The following MTFR1 variants were observed in gnomAD, a reference collection of about 807,000 sequenced individuals.
The protein encoded by MTFR1 is mitochondrial fission regulator 1.
In MTFR1, 28 loss-of-function variants were observed where a neutral mutation model predicts 38.8. The observed-to-expected ratio is 0.72, with a 90% CI of 0.53 to 0.99. MTFR1 has a LOEUF of 0.99. Among genes scored for constraint, MTFR1 ranks in the 50% least tolerant of loss-of-function variants. The probability of loss-of-function intolerance (pLI) is 0.00; values close to 1 mark genes in which losing one functional copy is unlikely to be tolerated. For missense variants in MTFR1, 358 were observed against 395.5 expected (o/e 0.91, Z 0.81); for synonymous variants, 145 against 137.0 (o/e 1.06, Z -0.41).
chr8:65,676,298 A>T (rs1031537481), intron 2 of MTFR1, among the ~76,000 whole-genome samples: 2 of 152,242 alleles, frequency 1.3e-5, no homozygotes, highest in Non-Finnish European at 2.9e-5. Flanking sequence ...GTGTAATTTT[A>T]GGGATACATG....
chr8:65,696,480 T>C (rs1289666077), intron 4 of MTFR1, among the ~76,000 whole-genome samples: 1 of 152,156 alleles, frequency 6.6e-6, no homozygotes, highest in Non-Finnish European at 1.5e-5. Context: ...TGTTGATAAG[T>C]CAAGATGCAG....
chr8:65,705,032 A>G (rs2129059006), intron 5 of MTFR1, 103 bp downstream of exon 5: 1 of 1,026,484 alleles, frequency 9.7e-7, no homozygotes, highest in African/African-American at 1.6e-5. Context: ...GGTTCTTAGA[A>G]AACCAGGTGT....
intron 3 of MTFR1, among the ~76,000 whole-genome samples, chr8:65,748,895 G>A (rs1402888031): frequency 6.6e-6 from 1 of 152,178 alleles, no homozygotes; most frequent in Non-Finnish European, 1.5e-5. Context: ...ACTGCTTGCA[G>A]GTATGCTACT....
At chr8:65,696,435 C>T (rs1352415787) in intron 4 of MTFR1, among the ~76,000 whole-genome samples, 2 of 152,122 alleles carry the variant, frequency 1.3e-5, no homozygotes, top group African/African-American at 4.8e-5. Context: ...TAACATCCTG[C>T]AAAACTATAG....
intron 3 of MTFR1, chr8:65,722,387 T>C (rs986953505): frequency 1.7e-4 from 26 of 152,366 alleles, no homozygotes; most frequent in African/African-American, 5.5e-4. Flanking sequence ...AAGAATTACG[T>C]TTCTGAATTT....
chr8:65,683,075 A>ACT (rs1253566308), intron 3 of MTFR1: 1 of 206,242 alleles, frequency 4.8e-6, no homozygotes, highest in Admixed American at 6.9e-5. Context: ...GAGCAACTCT[A>ACT]CTCTTTGCTT....
chr8:65,648,847 A>G (rs945400118), intron 1 of MTFR1, among the ~76,000 whole-genome samples: 4 of 152,268 alleles, frequency 2.6e-5, no homozygotes, highest in African/African-American at 9.6e-5. Context: ...TTTTAGGGAC[A>G]GAGTCTTTCT....
chr8:65,764,379 G>A (rs1026422254), intron 3 of MTFR1, among the ~76,000 whole-genome samples: 2 of 152,222 alleles, frequency 1.3e-5, no homozygotes, highest in African/African-American at 4.8e-5. Flanking sequence ...GCAAACTCGA[G>A]TCTGAATGAG....
intron 4 of MTFR1, among the ~76,000 whole-genome samples, chr8:65,702,148 A>G (rs964689862): frequency 6.6e-6 from 1 of 152,106 alleles, no homozygotes; most frequent in South Asian, 2.1e-4. Flanking sequence ...TGTAGCCTAC[A>G]ACACTCCTGC....
rs559119848 is a variant in MTFR1 at position 65,737,137 on chromosome 8, GTTA to G, written c.*48+17662_*48+17664del. On this transcript the variant is annotated intron_variant, in intron 3 of 3. Coordinates refer to the MTFR1 transcript ENST00000521247. ...AAACAAACTAACTAAAAACACCTGAGTTATTATTTTCTCAATTCTCCCAAGGAC... is the reference window on the plus strand; with the variant it reads ...AAACAAACTAACTAAAAACACCTGAGTTATTTTCTCAATTCTCCCAAGGAC... Among the ~76,000 whole-genome samples the G allele has an allele frequency of 1.3e-3, 191 of 152,100 alleles. 3 individuals carry two copies. The South Asian group carries it at 0.014, about 11-fold the overall frequency.
chr8:65,775,061 A>C (rs1334704267), downstream of MTFR1, among the ~76,000 whole-genome samples: 1 of 152,214 alleles, frequency 6.6e-6, no homozygotes, highest in Non-Finnish European at 1.5e-5. Flanking sequence ...TCTGGATCAT[A>C]CAAGTGTTCA....
At position 65,758,863 on chromosome 8, in the gene MTFR1, C is replaced by T; in HGVS notation, c.*49-12084C>T. ...TCAGGTCTATCCCATCTGTAGCCCC[C>T]CAGGGCTACCAGCATCAGTCTCACT... On this transcript the variant is annotated intron_variant, in intron 3 of 3. Transcript: ENST00000521247. 1.3e-5 allele frequency among the ~76,000 whole-genome samples: 2 copies of T among 152,202 alleles called. 1 individual carries two copies. Among genetic ancestry groups the T allele is most frequent in the Non-Finnish European group, 2.9e-5 (2 of 68,042 alleles).
chr8:65,717,529 C>G (rs897502252), intron 2 of MTFR1: 1 of 152,236 alleles, frequency 6.6e-6, no homozygotes, highest in Non-Finnish European at 1.5e-5. Flanking sequence ...TCTGCTTACT[C>G]ACTTGCAAGG....
At chr8:65,692,070 TC>T (rs1805297204) in intron 3 of MTFR1, among the ~76,000 whole-genome samples, 1 of 152,172 alleles carries the variant, frequency 6.6e-6, no homozygotes, top group African/African-American at 2.4e-5. Flanking sequence ...AATGCATGAG[TC>T]CCAAGGGTAA....
In MTFR1 at chr8:65,689,168, G is replaced by T. The variant is rs1192707251; in HGVS notation, c.166-4476G>T. Among the ~76,000 whole-genome samples the T allele has an allele frequency of 2.0e-5, 3 of 152,036 alleles. 1 individual carries two copies. Among genetic ancestry groups the T allele is most frequent in the South Asian group, 4.1e-4 (2 of 4,820 alleles). ...TCAAAAACAAACAAACAAAGAATCC[G>T]TGTATGTTATGCATTTGGCTATAAA... On this transcript the variant is annotated intron_variant, in intron 3 of 7. Transcript: ENST00000262146.
chr8:65,653,323 C>T (rs912993856), intron 1 of MTFR1, among the ~76,000 whole-genome samples: 2 of 151,908 alleles, frequency 1.3e-5, no homozygotes, highest in South Asian at 4.2e-4. Flanking sequence ...ACCAGCCTGA[C>T]CAGTGTGGTG....
At chr8:65,762,455 A>C (rs987170520) in intron 3 of MTFR1, among the ~76,000 whole-genome samples, 1 of 152,218 alleles carries the variant, frequency 6.6e-6, no homozygotes, top group African/African-American at 2.4e-5. Flanking sequence ...ACATGAGAAC[A>C]CAGGGGCTTA....
chr8:65,676,351 A>G (rs921150690), intron 2 of MTFR1, among the ~76,000 whole-genome samples: 15 of 152,048 alleles, frequency 9.9e-5, no homozygotes, highest in Admixed American at 3.3e-4. Flanking sequence ...CTTGTCTTGA[A>G]AAATATATTT....
chr8:65,739,487 G>A (rs370077477), intron 3 of MTFR1: 4 of 1,543,786 alleles, frequency 2.6e-6, no homozygotes, highest in East Asian at 2.4e-5. Flanking sequence ...CTGTTAATGG[G>A]TTAGAATCAC....
Sources: allele counts gnomAD v4.1 joint callset (sites outside exome capture counted in the v4.1 genomes callset), GRCh38; gene constraint gnomAD v4.1.1; transcripts MANE v1.5; gene names NCBI Gene and HGNC (gene_info 2026-07-23, HGNC 2026-07-21).